USP46: variants seen among roughly 807,000 people sequenced by gnomAD.
The protein encoded by USP46 is ubiquitin carboxyl-terminal hydrolase 46.
A neutral mutation model predicts 44.4 loss-of-function variants in USP46; 12 were observed. That is an observed-to-expected ratio of 0.27 (90% CI 0.17 to 0.44). USP46 has a LOEUF of 0.44. USP46 is among the 20% of genes least tolerant of loss of function. The probability of loss-of-function intolerance (pLI) is 1.00; values close to 1 mark genes in which losing one functional copy is unlikely to be tolerated. For synonymous variants in USP46, 155 were observed against 161.5 expected (o/e 0.96, Z 0.31); for missense variants, 248 against 444.8 (o/e 0.56, Z 3.98).
chr4:52,635,413 G>A (rs1282949393), intron 1 of USP46, among the ~76,000 whole-genome samples: 3 of 152,160 alleles, frequency 2.0e-5, no homozygotes, highest in African/African-American at 7.2e-5. Flanking sequence ...CCCATTTCAA[G>A]TGGCCCACAA....
At chr4:52,601,735 G>A (rs1393623692) in intron 7 of USP46, 122 bp downstream of exon 7, 1 of 992,798 alleles carries the variant, frequency 1.0e-6, no homozygotes, top group South Asian at 2.6e-5. Context: ...ATCAGTAAGA[G>A]TTTGGCAGAG....
At chr4:52,654,220 CA>C (rs1718873784) in intron 1 of USP46, among the ~76,000 whole-genome samples, 1 of 152,142 alleles carries the variant, frequency 6.6e-6, no homozygotes, top group Non-Finnish European at 1.5e-5. Flanking sequence ...TTTCTAATCC[CA>C]GCAACTATCA....
In USP46 at chr4:52,626,114, G is replaced by A. The variant is rs757534787; in HGVS notation, c.465C>T (p.Asn155=). Residue 155 remains asparagine (N), a synonymous_variant, in exon 4 of 9, where the codon AAC becomes AAT. Transcript: ENST00000441222. ...CTGGTTTATTATTTTCCGCAGGTTC[G>A]TTCATGTTGCCATTTTTTAATTTTC... ...QNGKLKNGNM[N]EPAENNKPEL... 15 of 1,613,716 alleles carry A rather than the reference G, an allele frequency of 9.3e-6. No individual in the cohort carries two copies. Among genetic ancestry groups the A allele is most frequent in the African/African-American group, 2.7e-5 (2 of 74,898 alleles).
Position 52,625,933 on chromosome 4 carries a change from C to T in USP46, c.561+85G>A, listed in dbSNP as rs188809830. 1,776 of 1,291,440 alleles carry T rather than the reference C, an allele frequency of 1.4e-3. 1 individual carries two copies. The highest frequency in any genetic ancestry group is 1.7e-3 in the Non-Finnish European group (1,618 of 928,464). The allele number at this position is 1,291,440 out of a possible 1,614,324, so 80.0% of individuals were successfully genotyped here. A position where few individuals can be genotyped will look rare whatever the true frequency, so the allele number is the denominator to read the frequency against. On this transcript the variant is annotated intron_variant, in intron 4 of 8. Coordinates refer to ENST00000441222, the MANE Select transcript of USP46 (RefSeq NM_022832.4). ...ATACACTGCAAATAACTGCTAAATG[C>T]TATAATACGACATTGCAATCACATG...
chr4:52,632,990 A>AAAAGAAAGAAAGAAAGAAAGAAAG (rs71195120), intron 1 of USP46, among the ~76,000 whole-genome samples: 38 of 66,336 alleles, frequency 5.7e-4, no homozygotes, highest in Admixed American at 2.3e-3. Flanking sequence ...GAAAGAAAAG[A>AAAAGAAAGAAAGAAAGAAAGAAAG]AAAGAAAGAA....
At chr4:52,607,921 T>A (rs888605841) in intron 5 of USP46, among the ~76,000 whole-genome samples, 1 of 152,222 alleles carries the variant, frequency 6.6e-6, no homozygotes, top group Non-Finnish European at 1.5e-5. Context: ...CCTCTTTTCT[T>A]TATAAATTAC....
At chr4:52,601,329 A>G (rs1386351641) in intron 7 of USP46, among the ~76,000 whole-genome samples, 1 of 152,228 alleles carries the variant, frequency 6.6e-6, no homozygotes, top group African/African-American at 2.4e-5. Flanking sequence ...CTCCATATCT[A>G]GAGGCCTTCT....
intron 6 of USP46, 22 bp from the exon 7 acceptor site, chr4:52,602,076 A>C (rs780796175): frequency 1.9e-6 from 3 of 1,604,338 alleles, no homozygotes; most frequent in Non-Finnish European, 2.6e-6. Flanking sequence ...AGAAATAGAA[A>C]ATCAGTTGTA....
chr4:52,632,976 GAAA>G (rs1717936650), intron 1 of USP46, among the ~76,000 whole-genome samples: 1 of 76,732 alleles, frequency 1.3e-5, no homozygotes, highest in African/African-American at 6.5e-5. Context: ...AAGAAAGAAA[GAAA>G]GAAAGAAAAG....
At chr4:52,599,494 C>T (rs1716375210) in intron 7 of USP46, among the ~76,000 whole-genome samples, 1 of 152,046 alleles carries the variant, frequency 6.6e-6, no homozygotes, top group Non-Finnish European at 1.5e-5. Flanking sequence ...TTAGGCTTTG[C>T]TTGAGCAAGC....
At chr4:52,658,988 G>A (rs1484610244) in intron 1 of USP46, 127 bp downstream of exon 1, 2 of 1,204,270 alleles carry the variant, frequency 1.7e-6, no homozygotes, top group African/African-American at 1.6e-5. Context: ...CGGGGGCCGG[G>A]AACTTCTGGC....
At chr4:52,648,612 GA>G (rs917806810) in intron 1 of USP46, among the ~76,000 whole-genome samples, 72 of 152,262 alleles carry the variant, frequency 4.7e-4, no homozygotes, top group African/African-American at 1.6e-3. Flanking sequence ...TCTAGAGTAA[GA>G]AAAGCTTGGA....
intron 1 of USP46, among the ~76,000 whole-genome samples, chr4:52,643,391 T>C (rs1718423485): frequency 6.6e-6 from 1 of 152,236 alleles, no homozygotes; most frequent in Non-Finnish European, 1.5e-5. Flanking sequence ...ATTGTTGTCA[T>C]AAATAAAGTT....
intron 1 of USP46, among the ~76,000 whole-genome samples, chr4:52,644,241 T>C (rs1718453844): frequency 6.6e-6 from 1 of 152,180 alleles, no homozygotes; most frequent in South Asian, 2.1e-4. Context: ...CAGAGGTAAG[T>C]GGTGAACCTA....
chr4:52,601,378 A>G (rs1026072597), intron 7 of USP46, among the ~76,000 whole-genome samples: 1 of 152,212 alleles, frequency 6.6e-6, no homozygotes, highest in African/African-American at 2.4e-5. Flanking sequence ...TTATTACAGA[A>G]TGTTGGGGAA....
At chr4:52,634,352 TA>T (rs1718026894) in intron 1 of USP46, among the ~76,000 whole-genome samples, 1 of 148,826 alleles carries the variant, frequency 6.7e-6, no homozygotes. Flanking sequence ...CTACTAAAAA[TA>T]CAAAAATTGA....
At chr4:52,640,945 T>G (rs566754821) in intron 1 of USP46, among the ~76,000 whole-genome samples, 1 of 151,838 alleles carries the variant, frequency 6.6e-6, no homozygotes, top group South Asian at 2.1e-4. Context: ...TTTACCACTA[T>G]GAAATGCCTT....
intron 4 of USP46, among the ~76,000 whole-genome samples, chr4:52,617,916 C>T (rs1165035285): frequency 3.9e-5 from 6 of 152,216 alleles, no homozygotes; most frequent in Non-Finnish European, 7.3e-5. Context: ...CTCCTTTCTT[C>T]TCCCTCAATT....
intron 1 of USP46, among the ~76,000 whole-genome samples, chr4:52,652,669 GA>G (rs1380618343): frequency 6.6e-6 from 1 of 151,860 alleles, no homozygotes; most frequent in African/African-American, 2.4e-5. Context: ...TTTAAAACAT[GA>G]AAAAATACAC....
Sources: allele counts gnomAD v4.1 joint callset (sites outside exome capture counted in the v4.1 genomes callset), GRCh38; gene constraint gnomAD v4.1.1; transcripts MANE v1.5; gene names NCBI Gene and HGNC (gene_info 2026-07-23, HGNC 2026-07-21).